IL18RAP: variants seen among roughly 807,000 people sequenced by gnomAD.
IL18RAP encodes interleukin 18 receptor accessory protein.
IL18RAP carries 37 observed loss-of-function variants against 58.1 expected under a neutral mutation model. The ratio of observed to expected loss-of-function variants is 0.64; its 90% CI spans 0.49 to 0.84. The LOEUF is 0.84. Among genes scored for constraint, IL18RAP ranks in the 40% least tolerant of loss-of-function variants. IL18RAP has a pLI of 0.00. For synonymous variants in IL18RAP, 268 were observed against 257.5 expected, an observed-to-expected ratio of 1.04 and a Z score of -0.39; for missense variants, 667 against 704.8, an observed-to-expected ratio of 0.95 and a Z score of 0.61.
In IL18RAP at chr2:102,437,204, T is replaced by TCCAAAA. The variant is rs1682805228; in HGVS notation, c.580-8_580-7insCCAAAA. The TCCAAAA allele has an allele frequency of 1.2e-6, 2 of 1,600,516 alleles. No individual in the cohort carries two copies. The highest frequency in any genetic ancestry group is 1.8e-5 in the Admixed American group (1 of 56,604). ...AAATTTATCTGCTTAAAATATCTTTTGGATTAGAATGGAAAACTCCTCTCT... is the reference window on the plus strand; with the variant it reads ...AAATTTATCTGCTTAAAATATCTTTTCCAAAAGGATTAGAATGGAAAACTCCTCTCT... On this transcript the variant is annotated splice_polypyrimidine_tract_variant and splice_region_variant and intron_variant, in intron 3 of 9. Coordinates refer to ENST00000687160, the MANE Select transcript of IL18RAP (RefSeq NM_001393487.1).
upstream of IL18RAP, among the ~76,000 whole-genome samples, chr2:102,421,642 C>T (rs560396614): frequency 3.2e-4 from 49 of 152,152 alleles, 1 homozygote; most frequent in African/African-American, 1.2e-3. Context: ...AATGCAGTGA[C>T]CTTAACACCT....
chr2:102,437,458 A>T (rs1682825283), intron 4 of IL18RAP, 96 bp downstream of exon 4: 3 of 1,251,288 alleles, frequency 2.4e-6, no homozygotes, highest in Non-Finnish European at 3.3e-6. Context: ...GGGAAAGAAA[A>T]GGATAGTCAT....
At chr2:102,432,916 A>G (rs150939060) in intron 3 of IL18RAP, among the ~76,000 whole-genome samples, 3 of 152,344 alleles carry the variant, frequency 2.0e-5, no homozygotes, top group Admixed American at 1.3e-4. Flanking sequence ...CTTGGCATAA[A>G]CAAACTTCAT....
In IL18RAP at chr2:102,424,108, C is replaced by T. The variant is rs1472099730; in HGVS notation, c.368C>T (p.Ser123Leu). Reference sequence around the variant, plus strand: ...ACCCCAGGGGTGAATAATTCTGGGTCATATATTTGTAGACCCAAGATGATT... The same window carrying T: ...ACCCCAGGGGTGAATAATTCTGGGTTATATATTTGTAGACCCAAGATGATT... ...FLTPGVNNSG[S>L]YICRPKMIKS... Residue 123 changes from serine to leucine, a missense_variant, in exon 2 of 10, where the codon TCA becomes TTA. By Grantham distance (145) the Ser-to-Leu change is moderately radical (BLOSUM62 -2). Coordinates refer to ENST00000687160, the MANE Select transcript of IL18RAP (RefSeq NM_001393487.1). 6.2e-7 allele frequency: 1 copy of T among 1,612,766 alleles called. No homozygotes were observed. Among genetic ancestry groups the T allele is most frequent in the Non-Finnish European group, 8.5e-7 (1 of 1,179,146 alleles).
intron 3 of IL18RAP, among the ~76,000 whole-genome samples, chr2:102,431,260 A>G (rs1682333036): frequency 6.6e-6 from 1 of 152,130 alleles, no homozygotes; most frequent in Admixed American, 6.5e-5. Flanking sequence ...CTCCTGGCCT[A>G]TATCGTTTCT....
At chr2:102,421,454 G>A (rs867192960), upstream of IL18RAP, among the ~76,000 whole-genome samples, 20 of 152,326 alleles carry the variant, frequency 1.3e-4, no homozygotes, top group African/African-American at 3.8e-4. Context: ...AAATGCCCAG[G>A]CTTGCTGCTT....
At chr2:102,421,873 T>C (rs1681595647), upstream of IL18RAP, among the ~76,000 whole-genome samples, 1 of 152,130 alleles carries the variant, frequency 6.6e-6, no homozygotes, top group Non-Finnish European at 1.5e-5. Context: ...AATCTCCCCA[T>C]GGTATCAGGG....
In IL18RAP at chr2:102,451,666, T is replaced by G. The variant is rs147160309; in HGVS notation, c.1385-100T>G. ...TACAGTGTAAGTGGTAGAGTAAACA[T>G]GTCTCCCTTCCTCCTTATGTAAGAG... On this transcript the variant is annotated intron_variant, in intron 9 of 9. Coordinates refer to ENST00000687160, the MANE Select transcript of IL18RAP (RefSeq NM_001393487.1). 497 of 960,616 alleles carry G rather than the reference T, an allele frequency of 5.2e-4. 2 individuals are homozygous for G. The African/African-American group carries it at 7.2e-3, about 14-fold the overall frequency. The allele number at this position is 960,616 out of a possible 1,614,324, so 59.5% of individuals were successfully genotyped here.
At chr2:102,449,023 C>T (rs1683605932) in intron 8 of IL18RAP, among the ~76,000 whole-genome samples, 1 of 133,698 alleles carries the variant, frequency 7.5e-6, no homozygotes, top group Non-Finnish European at 1.6e-5. Flanking sequence ...AATCCCAGCA[C>T]TTTGGGAGGT....
Position 102,424,088 on chromosome 2 carries a change from A to T in IL18RAP, c.348A>T (p.Pro116=), listed in dbSNP as rs199952525. The change falls in exon 2 of 10, where the codon CCA becomes CCT. Residue 116 remains proline, a synonymous_variant. Transcript: ENST00000687160. The part of the protein sequence containing the change: ...QDKCTLHFLT[P]GVNNSGSYIC... Reference sequence around the variant, plus strand: ...AATGTACCCTTCACTTTTTGACCCCAGGGGTGAATAATTCTGGGTCATATA... The same window carrying T: ...AATGTACCCTTCACTTTTTGACCCCTGGGGTGAATAATTCTGGGTCATATA... 5.0e-6 allele frequency: 8 copies of T among 1,613,936 alleles called. No homozygotes were observed. In the South Asian group the frequency reaches 5.5e-5, roughly 11 times the overall value.
chr2:102,431,037 T>C (rs1365917126), intron 3 of IL18RAP, among the ~76,000 whole-genome samples: 1 of 152,316 alleles, frequency 6.6e-6, no homozygotes, highest in African/African-American at 2.4e-5. Flanking sequence ...TTTTTTACTT[T>C]CATATTTTTT....
In IL18RAP at chr2:102,424,033, G is replaced by A; in HGVS notation, c.293G>A (p.Arg98Lys). 2 of 1,614,030 alleles carry A rather than the reference G, an allele frequency of 1.2e-6. No homozygotes were observed. The highest frequency in any genetic ancestry group is 1.1e-5 in the South Asian group (1 of 91,072). ...AATGGAGATCCATTAGAGGACATTA[G>A]GAAAAGCTATCCTCACATCATTCAG... Reference protein sequence around the residue: ...PSNGDPLEDIRKSYPHIIQDK... With the variant: ...PSNGDPLEDIKKSYPHIIQDK... The change falls in exon 2 of 10, where the codon AGG (arginine) becomes AAG (lysine). Residue 98 changes from arginine to lysine, a missense_variant. Coordinates refer to ENST00000687160, the MANE Select transcript of IL18RAP (RefSeq NM_001393487.1).
intron 6 of IL18RAP, among the ~76,000 whole-genome samples, chr2:102,444,792 A>C (rs1026132453): frequency 2.0e-5 from 3 of 152,132 alleles, no homozygotes; most frequent in African/African-American, 7.2e-5. Flanking sequence ...ATTATACTCT[A>C]GGGTTCCTGG....
At position 102,423,932 on chromosome 2, in the gene IL18RAP, A is replaced by T; in HGVS notation, c.192A>T (p.Pro64=). ...SHFCHRNRLS[P]KQVPEHLPFM... ...TCTGCCACAGAAATCGACTCTCACCAAAACAAGTCCCTGAGCACCTGCCCT... is the reference window on the plus strand; with the variant it reads ...TCTGCCACAGAAATCGACTCTCACCTAAACAAGTCCCTGAGCACCTGCCCT... Residue 64 remains proline (P), a synonymous_variant, in exon 2 of 10, where the codon CCA becomes CCT. Transcript: ENST00000687160. 2 of 1,614,060 alleles carry T rather than the reference A, an allele frequency of 1.2e-6. No homozygotes were observed.
At chr2:102,428,080 C>T (rs753779211) in intron 3 of IL18RAP, among the ~76,000 whole-genome samples, 9 of 151,394 alleles carry the variant, frequency 5.9e-5, no homozygotes, top group Non-Finnish European at 8.9e-5. Flanking sequence ...TATGCCAGTA[C>T]CATGCTGTTT....
In IL18RAP at chr2:102,437,256, G is replaced by A. The variant is rs751482777; in HGVS notation, c.624G>A (p.Val208=). Residue 208 remains valine, a synonymous_variant, in exon 4 of 10, where the codon GTG becomes GTA. Transcript: ENST00000687160. ...TGGAAAGGAGCAACCGAATCGTAGT[G>A]GATGAAGTTTATGACTATCACCAGG... ...LSVERSNRIV[V]DEVYDYHQGT... 1 of 1,613,396 alleles carries A rather than the reference G, an allele frequency of 6.2e-7. No individual in the cohort carries two copies. Among genetic ancestry groups the A allele is most frequent in the Non-Finnish European group, 8.5e-7 (1 of 1,179,682 alleles).
rs1014104606 is a variant in IL18RAP, at chr2:102,424,106, G to A, written c.366G>A (p.Gly122=). 1 of 1,613,082 alleles carries A rather than the reference G, an allele frequency of 6.2e-7. No homozygotes were observed. Among genetic ancestry groups the A allele is most frequent in the Non-Finnish European group, 8.5e-7 (1 of 1,179,318 alleles). Residue 122 remains glycine, a synonymous_variant, in exon 2 of 10, where the codon GGG becomes GGA. Coordinates refer to ENST00000687160, the MANE Select transcript of IL18RAP (RefSeq NM_001393487.1). ...TGACCCCAGGGGTGAATAATTCTGG[G>A]TCATATATTTGTAGACCCAAGATGA... ...HFLTPGVNNS[G]SYICRPKMIK...
chr2:102,443,667 A>G (rs897895432), intron 6 of IL18RAP, among the ~76,000 whole-genome samples: 1 of 152,072 alleles, frequency 6.6e-6, no homozygotes, highest in Non-Finnish European at 1.5e-5. Context: ...CCGTTCAGAG[A>G]GTGTGGGGGT....
chr2:102,450,916 T>A lies in IL18RAP; in HGVS notation c.1279T>A (p.Ser427Thr). The change falls in exon 9 of 10, where the codon TCT becomes ACT. Residue 427 changes from serine to threonine, a missense_variant. Ser to Thr is a moderately conservative substitution (Grantham distance 58). Coordinates refer to ENST00000687160, the MANE Select transcript of IL18RAP (RefSeq NM_001393487.1). ...WSSFPSEATS[S>T]LSEEHLALSL... ...CTCTTTTCCAAGTGAGGCCACTTCA[T>A]CTCTGAGTGAAGAACACTTGGCCCT... 6.2e-7 allele frequency: 1 copy of A among 1,613,080 alleles called. No individual in the cohort carries two copies. The highest frequency in any genetic ancestry group is 8.5e-7 in the Non-Finnish European group (1 of 1,179,490).
Sources: allele counts gnomAD v4.1 joint callset (sites outside exome capture counted in the v4.1 genomes callset), GRCh38; gene constraint gnomAD v4.1.1; transcripts MANE v1.5; gene names NCBI Gene and HGNC (gene_info 2026-07-23, HGNC 2026-07-21).